Variants in AMZ2 observed in about 807,000 individuals in gnomAD.
The protein encoded by AMZ2 is archaelysin family metallopeptidase 2, also known as archaemetzincin-2.
AMZ2 carries 26 observed loss-of-function variants against 36.7 expected under a neutral mutation model. That is an observed-to-expected ratio of 0.71 (90% CI 0.52 to 0.98). AMZ2 has a LOEUF of 0.98. Among genes scored for constraint, AMZ2 ranks in the 50% least tolerant of loss-of-function variants. The pLI is 0.00. For missense variants in AMZ2, 394 were observed against 430.5 expected (o/e 0.92, Z 0.75); for synonymous variants, 144 against 149.1 (o/e 0.97, Z 0.25).
chr17:68,225,025 A>AAC (rs533631198), intron 1 of AMZ2, among the ~76,000 whole-genome samples: 1,753 of 146,760 alleles, frequency 0.012, 26 homozygotes, highest in Middle Eastern at 0.024. Flanking sequence ...TAAAAAAAAA[A>AAC]ACACACACAC....
chr17:68,235,944 C>A lies in AMZ2; in HGVS notation c.-66-12696C>A, dbSNP rs2144621797. ...TCCCGGGCTCAAGCGATTCTCCTGC[C>A]TCAGGCTCCCAAGTAGCTGGGATTA... On this transcript the variant is annotated intron_variant, in intron 1 of 7. Transcript: ENST00000674770. The surrounding 1 kb of genome is among the most constrained non-coding windows in gnomAD (Gnocchi z 4.2). 6.6e-6 allele frequency among the ~76,000 whole-genome samples: 1 copy of A among 152,274 alleles called. No homozygotes were observed. The highest frequency in any genetic ancestry group is 1.9e-4 in the East Asian group (1 of 5,186).
chr17:68,248,375 T>A lies in AMZ2; in HGVS notation c.-331T>A, dbSNP rs868913218. ...TCCCAGCTGGAGACTGGGTTGTGTC[T>A]GCATGGACCAGAGCCCACAGTGCGA... On this transcript the variant is annotated 5_prime_UTR_variant, in exon 1 of 7. Coordinates refer to ENST00000359904, the MANE Select transcript of AMZ2 (RefSeq NM_016627.5). The A allele has an allele frequency of 6.1e-6, 6 of 986,010 alleles. No homozygotes were observed. Among genetic ancestry groups the A allele is most frequent in the Middle Eastern group, 5.2e-4 (1 of 1,914 alleles). The allele number at this position is 986,010 out of a possible 1,614,324, so 61.1% of individuals were successfully genotyped here.
At chr17:68,248,918 G>C in intron 1 of AMZ2, 1 of 642,416 alleles carries the variant, frequency 1.6e-6, no homozygotes, top group Non-Finnish European at 2.0e-6. Context: ...CCCATCAATC[G>C]TCTATCATTA....
chr17:68,214,754 C>T (rs1222198120), intron 1 of AMZ2, among the ~76,000 whole-genome samples: 2 of 151,600 alleles, frequency 1.3e-5, no homozygotes, highest in African/African-American at 4.8e-5. Context: ...AATTGTGTGT[C>T]TCCTACTTTA....
chr17:68,251,407 G>A, intron 4 of AMZ2: 2 of 416,140 alleles, frequency 4.8e-6, no homozygotes, highest in Non-Finnish European at 8.5e-6. Context: ...CCCACATCAT[G>A]GAGTCATTTG....
At chr17:68,234,671 G>A (rs768253412) in intron 1 of AMZ2, among the ~76,000 whole-genome samples, 3 of 152,042 alleles carry the variant, frequency 2.0e-5, no homozygotes, top group South Asian at 2.1e-4. Context: ...TCAGAGGGCT[G>A]AGGCGGAAGG....
Position 68,227,231 on chromosome 17 carries a change from TGAC to T in AMZ2, c.-67+20994_-67+20996del, listed in dbSNP as rs202005532. On this transcript the variant is annotated intron_variant, in intron 1 of 7. Transcript: ENST00000674770. ...GCTCCGTGACCTCGGGAAGATGATCTGACCTCTCGACACCTGGTTTTCCTCCTC... is the reference window on the plus strand; with the variant it reads ...GCTCCGTGACCTCGGGAAGATGATCTCTCTCGACACCTGGTTTTCCTCCTC... Among the ~76,000 whole-genome samples the T allele has an allele frequency of 2.4e-3, 360 of 152,308 alleles. 7 individuals are homozygous for T. In the East Asian group the frequency reaches 0.036, roughly 15 times the overall value.
chr17:68,247,992 G>A, upstream of AMZ2: 1 of 985,780 alleles, frequency 1.0e-6, no homozygotes, highest in East Asian at 1.1e-4. Flanking sequence ...GCGACGCAGC[G>A]GCGCGGCGCG....
intron 1 of AMZ2, among the ~76,000 whole-genome samples, chr17:68,224,329 C>T (rs532173631): frequency 1.2e-4 from 19 of 152,246 alleles, no homozygotes; most frequent in African/African-American, 3.9e-4. Flanking sequence ...CTTCTGTGAT[C>T]GGTAAACAAG....
chr17:68,207,258 T>A (rs1318837697), intron 1 of AMZ2: 1 of 151,872 alleles, frequency 6.6e-6, no homozygotes, highest in Non-Finnish European at 1.5e-5. Flanking sequence ...ACCCCTCTTC[T>A]GTTTTCACAC....
chr17:68,236,440 A>G (rs1265689514), intron 1 of AMZ2, among the ~76,000 whole-genome samples: 5 of 151,988 alleles, frequency 3.3e-5, no homozygotes, highest in Non-Finnish European at 7.4e-5. Context: ...TTTCAAGGTA[A>G]ATAGTTAAAA....
rs564319109 is a variant in AMZ2, at chr17:68,213,181, G to A, written c.-67+6943G>A. ...TTACCTGGTGAAAAAAATGATTGCG[G>A]CTGCAAGCTGCATTTGCCAGACAAT... On this transcript the variant is annotated intron_variant, in intron 1 of 7. Coordinates refer to the AMZ2 transcript ENST00000674770. Among the ~76,000 whole-genome samples, 29 of 152,274 alleles carry A rather than the reference G, an allele frequency of 1.9e-4. No homozygotes were observed. The South Asian group carries it at 5.8e-3, about 30-fold the overall frequency.
upstream of AMZ2, among the ~76,000 whole-genome samples, chr17:68,245,396 C>T (rs1326351332): frequency 2.0e-5 from 3 of 148,168 alleles, no homozygotes; most frequent in Non-Finnish European, 4.4e-5. Flanking sequence ...TGTCACTACA[C>T]CTGGCTTTTT....
intron 4 of AMZ2, among the ~76,000 whole-genome samples, chr17:68,252,272 A>C (rs2074542170): frequency 6.6e-6 from 1 of 152,158 alleles, no homozygotes; most frequent in Non-Finnish European, 1.5e-5. Flanking sequence ...TGTTTCTACT[A>C]GAGGTGGGGG....
intron 1 of AMZ2, among the ~76,000 whole-genome samples, chr17:68,233,924 G>C (rs1374668021): frequency 6.6e-6 from 1 of 152,054 alleles, no homozygotes. Context: ...TCACCCCCAG[G>C]TGACACTCAA....
At chr17:68,236,563 A>C (rs1363761776) in intron 1 of AMZ2, among the ~76,000 whole-genome samples, 1 of 145,506 alleles carries the variant, frequency 6.9e-6, no homozygotes, top group African/African-American at 2.5e-5. Context: ...TTTGGCAAAC[A>C]TCCTTTTTTT....
chr17:68,252,526 C>T (rs10852720), intron 4 of AMZ2, among the ~76,000 whole-genome samples: 22,700 of 152,070 alleles, frequency 0.15, 1,788 homozygotes, highest in East Asian at 0.18. Flanking sequence ...TCTTTTGAGA[C>T]AGAGTCTCCC....
chr17:68,243,685 A>G (rs2073948441), upstream of AMZ2, among the ~76,000 whole-genome samples: 1 of 152,236 alleles, frequency 6.6e-6, no homozygotes, highest in South Asian at 2.1e-4. Context: ...TTCACCAGAA[A>G]GATTCGACCT....
chr17:68,230,394 A>G (rs547243103), intron 1 of AMZ2, among the ~76,000 whole-genome samples: 56 of 152,272 alleles, frequency 3.7e-4, no homozygotes, highest in African/African-American at 1.2e-3. Context: ...TTCTTCATCC[A>G]GCACCCTGAA....
Sources: allele counts gnomAD v4.1 joint callset (sites outside exome capture counted in the v4.1 genomes callset), GRCh38; gene constraint gnomAD v4.1.1; non-coding constraint Gnocchi (gnomAD v3.1); transcripts MANE v1.5; gene names NCBI Gene and HGNC (gene_info 2026-07-23, HGNC 2026-07-21).